RSRC1: variants seen among roughly 807,000 people sequenced by gnomAD.
RSRC1 encodes the protein arginine and serine rich coiled-coil 1.
A neutral mutation model predicts 49.1 loss-of-function variants in RSRC1; 39 were observed. The ratio of observed to expected loss-of-function variants is 0.79; its 90% CI spans 0.61 to 1.04. The LOEUF is 1.04. Among genes scored for constraint, RSRC1 ranks in the 50% least tolerant of loss-of-function variants. The pLI, the probability that RSRC1 is intolerant of heterozygous loss-of-function variation, is 0.00. For missense variants in RSRC1, 388 were observed against 402.4 expected (o/e 0.96, Z 0.31); for synonymous variants, 143 against 130.8 (o/e 1.09, Z -0.63).
intron 4 of RSRC1, among the ~76,000 whole-genome samples, chr3:158,291,105 G>C (rs1029871993): frequency 6.6e-6 from 1 of 152,186 alleles, no homozygotes; most frequent in Non-Finnish European, 1.5e-5. Context: ...GGAGCCTGAG[G>C]ATGGAGGGCC....
intron 6 of RSRC1, among the ~76,000 whole-genome samples, chr3:158,431,560 G>A (rs1413713145): frequency 6.6e-6 from 1 of 151,780 alleles, no homozygotes; most frequent in Non-Finnish European, 1.5e-5. Flanking sequence ...AAAAGTGGTG[G>A]CAATGAAAAT....
At chr3:158,474,686 A>G (rs756730881) in intron 7 of RSRC1, among the ~76,000 whole-genome samples, 101 of 152,270 alleles carry the variant, frequency 6.6e-4, no homozygotes, top group Non-Finnish European at 1.1e-3. Flanking sequence ...CATTCATTCT[A>G]GTTTCAGGAA....
At chr3:158,391,345 C>T (rs952054234) in intron 6 of RSRC1, among the ~76,000 whole-genome samples, 6 of 152,068 alleles carry the variant, frequency 3.9e-5, no homozygotes, top group African/African-American at 1.4e-4. Flanking sequence ...CACAATCTGG[C>T]CTTGTGTATT....
intron 6 of RSRC1, among the ~76,000 whole-genome samples, chr3:158,440,801 G>A (rs1223894134): frequency 6.6e-6 from 1 of 152,004 alleles, no homozygotes; most frequent in Non-Finnish European, 1.5e-5. Context: ...AAATTAGCTG[G>A]GTGTGGTGGC....
intron 7 of RSRC1, among the ~76,000 whole-genome samples, chr3:158,509,241 T>C (rs1263525538): frequency 1.3e-5 from 2 of 152,220 alleles, no homozygotes; most frequent in Non-Finnish European, 2.9e-5. Context: ...TAGACCCACT[T>C]GTTGACCTCA....
chr3:158,306,661 A>G (rs1192050028), intron 5 of RSRC1, among the ~76,000 whole-genome samples: 2 of 151,958 alleles, frequency 1.3e-5, no homozygotes, highest in Non-Finnish European at 2.9e-5. Flanking sequence ...AGATGATTAG[A>G]TTAGAAAAGG....
chr3:158,441,858 C>G (rs1453147908), intron 6 of RSRC1, among the ~76,000 whole-genome samples: 1 of 151,794 alleles, frequency 6.6e-6, no homozygotes, highest in Non-Finnish European at 1.5e-5. Context: ...TACAAAGGAC[C>G]CTGAACTCAA....
intron 5 of RSRC1, among the ~76,000 whole-genome samples, chr3:158,309,681 C>T (rs1728025683): frequency 6.6e-6 from 1 of 151,640 alleles, no homozygotes; most frequent in African/African-American, 2.4e-5. Flanking sequence ...TTTGGTAATG[C>T]ATAATTTTAT....
intron 5 of RSRC1, among the ~76,000 whole-genome samples, chr3:158,307,728 G>C (rs901499614): frequency 6.6e-6 from 1 of 151,764 alleles, no homozygotes; most frequent in Non-Finnish European, 1.5e-5. Context: ...AAGGAGGGGA[G>C]AACTAAAATA....
At chr3:158,202,925 A>G (rs1459571522) in intron 3 of RSRC1, 147 bp from the exon 4 acceptor site, 8 of 530,290 alleles carry the variant, frequency 1.5e-5, no homozygotes, top group African/African-American at 3.8e-5. Context: ...ATAAAGAATC[A>G]TATTCAGGTG....
Position 158,367,418 on chromosome 3 carries a change from G to C in RSRC1, c.583+12510G>C, listed in dbSNP as rs186118541. On this transcript the variant is annotated intron_variant, in intron 6 of 9. Coordinates refer to ENST00000611884, the MANE Select transcript of RSRC1 (RefSeq NM_001271838.2). The stretch of plus-strand genomic sequence containing the variant: ...TCATGTGGTTTTTGTCGCTGGTTCT[G>C]TTTATGTGATGGATTACATTTATTG... 9.6e-4 allele frequency among the ~76,000 whole-genome samples: 146 copies of C among 152,272 alleles called. 3 individuals are homozygous for C. In the East Asian group the frequency reaches 0.021, roughly 22 times the overall value.
chr3:158,336,190 A>C (rs1043607943), intron 5 of RSRC1, among the ~76,000 whole-genome samples: 13 of 152,262 alleles, frequency 8.5e-5, no homozygotes, highest in Admixed American at 8.5e-4. Flanking sequence ...ACTGCAAGTC[A>C]GCTGGGAACA....
chr3:158,184,916 G>T (rs1340322795), intron 3 of RSRC1, among the ~76,000 whole-genome samples: 1 of 151,794 alleles, frequency 6.6e-6, no homozygotes, highest in African/African-American at 2.4e-5. Context: ...TTATTTTGAG[G>T]GAGAGTGGTC....
chr3:158,129,288 C>CTT lies in RSRC1; in HGVS notation c.320+5319_320+5320dup, dbSNP rs71144439. On this transcript the variant is annotated intron_variant, in intron 3 of 9. Transcript: ENST00000611884. ...GAGATCTAGGAACATTTCTTTCTTT[C>CTT]TTTTTTTTTTTTTTTTTTTTTTTGA... Among the ~76,000 whole-genome samples, 256 of 71,036 alleles carry CTT rather than the reference C, an allele frequency of 3.6e-3. 1 individual carries two copies. The highest frequency in any genetic ancestry group is 0.034 in the Middle Eastern group (3 of 88). 46.6% of individuals were successfully genotyped at this position (71,036 alleles called of 152,430 possible).
At chr3:158,224,600 G>C (rs1201336123) in intron 4 of RSRC1, among the ~76,000 whole-genome samples, 1 of 151,738 alleles carries the variant, frequency 6.6e-6, no homozygotes, top group African/African-American at 2.4e-5. Flanking sequence ...CATTTCCTCT[G>C]TATAAATGTC....
intron 5 of RSRC1, among the ~76,000 whole-genome samples, chr3:158,346,026 A>G (rs1730536137): frequency 6.6e-6 from 1 of 152,114 alleles, no homozygotes; most frequent in Non-Finnish European, 1.5e-5. Context: ...AATTAATTGA[A>G]AGTCTTCATA....
intron 4 of RSRC1, among the ~76,000 whole-genome samples, chr3:158,292,848 C>T (rs1219665673): frequency 6.6e-6 from 1 of 152,116 alleles, no homozygotes; most frequent in African/African-American, 2.4e-5. Flanking sequence ...TTAGGTAAGG[C>T]AAGTAAGCCT....
intron 3 of RSRC1, among the ~76,000 whole-genome samples, chr3:158,144,503 A>G (rs1279149740): frequency 2.6e-5 from 4 of 152,144 alleles, no homozygotes; most frequent in Non-Finnish European, 5.9e-5. Flanking sequence ...CATGGTGTAT[A>G]TGTGCCACGT....
intron 7 of RSRC1, among the ~76,000 whole-genome samples, chr3:158,479,167 G>C (rs1371641615): frequency 6.6e-6 from 1 of 150,474 alleles, no homozygotes; most frequent in Non-Finnish European, 1.5e-5. Flanking sequence ...GAATATCTTT[G>C]AGGATTCTGA....
Sources: allele counts gnomAD v4.1 joint callset (sites outside exome capture counted in the v4.1 genomes callset), GRCh38; gene constraint gnomAD v4.1.1; transcripts MANE v1.5; gene names NCBI Gene and HGNC (gene_info 2026-07-23, HGNC 2026-07-21).